Variants in RBFOX1 observed in about 807,000 individuals in gnomAD.
RBFOX1 encodes RNA binding fox-1 homolog 1.
In RBFOX1, 8 loss-of-function variants were observed where a neutral mutation model predicts 57.7. That is an observed-to-expected ratio of 0.14 (90% CI 0.08 to 0.25). RBFOX1 has a LOEUF of 0.25. Ranked by LOEUF, RBFOX1 falls within the 10% of genes least tolerant of loss-of-function variation. The pLI is 1.00. For missense variants in RBFOX1, 611 were observed against 548.5 expected, an observed-to-expected ratio of 1.11 and a Z score of -1.14; for synonymous variants, 326 against 222.4, an observed-to-expected ratio of 1.47 and a Z score of -4.15.
At chr16:6,383,388 G>T (rs535369647) in intron 2 of RBFOX1, among the ~76,000 whole-genome samples, 1 of 152,274 alleles carries the variant, frequency 6.6e-6, no homozygotes, top group African/African-American at 2.4e-5. Context: ...TTTCTGTATG[G>T]AGTCTGTGCA....
At chr16:5,805,709 G>A (rs148141257) in intron 3 of RBFOX1, among the ~76,000 whole-genome samples, 8 of 152,312 alleles carry the variant, frequency 5.3e-5, no homozygotes, top group African/African-American at 1.7e-4. Context: ...AGGAAGGGTT[G>A]CCTGACATGA....
intron 4 of RBFOX1, among the ~76,000 whole-genome samples, chr16:7,305,972 C>T (rs1033642024): frequency 5.9e-5 from 9 of 152,022 alleles, no homozygotes; most frequent in African/African-American, 2.2e-4. Flanking sequence ...TTATTTCCAC[C>T]GGAAGAAAAT....
chr16:5,600,666 G>C (rs545776769), downstream of RBFOX1, among the ~76,000 whole-genome samples: 3 of 151,932 alleles, frequency 2.0e-5, no homozygotes, highest in African/African-American at 7.3e-5. Flanking sequence ...CCACTGCTTG[G>C]TGCTTGTCTA....
intron 1 of RBFOX1, among the ~76,000 whole-genome samples, chr16:6,290,213 G>A (rs56661447): frequency 8.2e-6 from 1 of 122,054 alleles, no homozygotes; most frequent in Non-Finnish European, 1.9e-5. Flanking sequence ...AAAATAGATT[G>A]TTGTGAGCAT....
intron 4 of RBFOX1, among the ~76,000 whole-genome samples, chr16:7,064,878 T>C (rs9935124): frequency 0.73 from 110,683 of 152,120 alleles, 40,742 homozygotes; most frequent in East Asian, 0.91. Context: ...AATTTTAAAC[T>C]AGCTGTGGTA....
At chr16:5,544,279 C>G (rs1030363173) in intron 2 of RBFOX1, among the ~76,000 whole-genome samples, 1 of 152,164 alleles carries the variant, frequency 6.6e-6, no homozygotes, top group South Asian at 2.1e-4. Context: ...AGAAGGAACT[C>G]TGGGAAATTC....
intron 5 of RBFOX1, among the ~76,000 whole-genome samples, chr16:7,521,193 G>C (rs1484537419): frequency 6.6e-6 from 1 of 152,198 alleles, no homozygotes; most frequent in African/African-American, 2.4e-5. Flanking sequence ...AGGTCTTAAA[G>C]TTGGAAAGAT....
chr16:6,861,256 C>T (rs1017154948), intron 3 of RBFOX1, among the ~76,000 whole-genome samples: 1 of 152,124 alleles, frequency 6.6e-6, no homozygotes, highest in Non-Finnish European at 1.5e-5. Context: ...GAGCACCACA[C>T]TCTAACCATA....
intron 2 of RBFOX1, among the ~76,000 whole-genome samples, chr16:6,594,316 G>A (rs2097755781): frequency 6.6e-6 from 1 of 152,178 alleles, no homozygotes; most frequent in Non-Finnish European, 1.5e-5. Flanking sequence ...ACCCTGGGAG[G>A]CCGACAAGAT....
chr16:6,842,317 A>G (rs2093519806), intron 3 of RBFOX1, among the ~76,000 whole-genome samples: 1 of 152,092 alleles, frequency 6.6e-6, no homozygotes, highest in Non-Finnish European at 1.5e-5. Flanking sequence ...TTTTCTGATC[A>G]GAGAAACAAC....
At chr16:7,385,856 C>T (rs151277175) in intron 4 of RBFOX1, among the ~76,000 whole-genome samples, 7 of 152,058 alleles carry the variant, frequency 4.6e-5, no homozygotes, top group Non-Finnish European at 8.8e-5. Flanking sequence ...TGGGTTCAAG[C>T]AGTTTTTCTG....
intron 3 of RBFOX1, among the ~76,000 whole-genome samples, chr16:7,050,091 T>A (rs2049474970): frequency 6.6e-6 from 1 of 152,054 alleles, no homozygotes; most frequent in African/African-American, 2.4e-5. Context: ...CTTTTAACAG[T>A]TTATGGAGAC....
intron 3 of RBFOX1, among the ~76,000 whole-genome samples, chr16:5,769,240 C>T (rs184710516): frequency 3.6e-4 from 55 of 152,186 alleles, no homozygotes; most frequent in Middle Eastern, 6.8e-3. Flanking sequence ...CCCCAGCTAC[C>T]TTAGCACGTG....
chr16:6,478,316 A>G (rs1404117816), intron 2 of RBFOX1, among the ~76,000 whole-genome samples: 5 of 132,900 alleles, frequency 3.8e-5, no homozygotes, highest in African/African-American at 1.4e-4. Flanking sequence ...TCCGCCTCCC[A>G]GGTTCAAGCG....
chr16:6,910,764 C>A (rs553570681), intron 3 of RBFOX1, among the ~76,000 whole-genome samples: 1 of 152,166 alleles, frequency 6.6e-6, no homozygotes, highest in Non-Finnish European at 1.5e-5. Context: ...GATTACACAG[C>A]AAAACCATCA....
chr16:5,626,784 A>G (rs1319000036), intron 3 of RBFOX1, among the ~76,000 whole-genome samples: 1 of 152,184 alleles, frequency 6.6e-6, no homozygotes, highest in East Asian at 1.9e-4. Context: ...TTTAAAAAAA[A>G]AAGCTCAACT....
At chr16:5,649,287 C>G (rs555366666) in intron 3 of RBFOX1, among the ~76,000 whole-genome samples, 58 of 152,084 alleles carry the variant, frequency 3.8e-4, no homozygotes, top group African/African-American at 1.4e-3. Context: ...TCTTGTCTCA[C>G]CCTCCCAAGT....
At chr16:5,384,918 C>T (rs926859482) in intron 1 of RBFOX1, among the ~76,000 whole-genome samples, 4 of 152,150 alleles carry the variant, frequency 2.6e-5, no homozygotes, top group African/African-American at 7.2e-5. Flanking sequence ...GCACCCAGAA[C>T]GGTGCCTGGC....
intron 3 of RBFOX1, among the ~76,000 whole-genome samples, chr16:6,770,077 C>T (rs1462641678): frequency 1.3e-5 from 2 of 152,048 alleles, no homozygotes; most frequent in Admixed American, 1.3e-4. Context: ...GAGCTGGAGG[C>T]AAAGTGGTCA....
Sources: gnomAD v4.1 joint callset for allele counts (sites outside exome capture counted in the v4.1 genomes callset) on GRCh38, gnomAD v4.1.1 for gene constraint, MANE v1.5 for transcripts, NCBI Gene and HGNC (gene_info 2026-07-23, HGNC 2026-07-21) for gene names.